The following GRM3 variants were observed in gnomAD, a reference collection of about 807,000 sequenced individuals.
GRM3 encodes the protein glutamate metabotropic receptor 3.
A neutral mutation model predicts 70.5 loss-of-function variants in GRM3; 26 were observed. The observed-to-expected ratio is 0.37, with a 90% CI of 0.27 to 0.51. GRM3 has a LOEUF of 0.51. Ranked by LOEUF, GRM3 falls within the 20% of genes least tolerant of loss-of-function variation. GRM3 has a pLI of 0.93. For missense variants in GRM3, 859 were observed against 1,123.8 expected, an observed-to-expected ratio of 0.76 and a Z score of 3.37; for synonymous variants, 443 against 434.9, an observed-to-expected ratio of 1.02 and a Z score of -0.23.
chr7:86,785,637 T>C (rs775431829), intron 2 of GRM3, among the ~76,000 whole-genome samples: 3 of 149,894 alleles, frequency 2.0e-5, no homozygotes, highest in Admixed American at 6.7e-5. Flanking sequence ...TTCAGGAGTT[T>C]AGAAAAGCGT....
At chr7:86,783,266 C>G (rs981874006) in intron 2 of GRM3, among the ~76,000 whole-genome samples, 1 of 152,128 alleles carries the variant, frequency 6.6e-6, no homozygotes, top group Non-Finnish European at 1.5e-5. Flanking sequence ...TACCTGGATG[C>G]CTTTCTGTGT....
chr7:86,857,307 G>A (rs980061697), intron 5 of GRM3, among the ~76,000 whole-genome samples: 1 of 152,080 alleles, frequency 6.6e-6, no homozygotes, highest in Non-Finnish European at 1.5e-5. Flanking sequence ...GCTAGAGGAA[G>A]ATGAATAAAA....
At chr7:86,807,442 C>T (rs1299330009) in intron 3 of GRM3, among the ~76,000 whole-genome samples, 3 of 149,798 alleles carry the variant, frequency 2.0e-5, no homozygotes, top group African/African-American at 5.0e-5. Context: ...TTGTAGTTCT[C>T]GTTGAAGAGG....
At chr7:86,760,519 G>A (rs1796452792) in intron 1 of GRM3, among the ~76,000 whole-genome samples, 1 of 152,094 alleles carries the variant, frequency 6.6e-6, no homozygotes, top group Non-Finnish European at 1.5e-5. Context: ...TCTGAGGAAT[G>A]TGCTGCTGGC....
intron 1 of GRM3, among the ~76,000 whole-genome samples, chr7:86,740,781 ACTC>A (rs1795970614): frequency 2.8e-5 from 4 of 142,520 alleles, no homozygotes; most frequent in Non-Finnish European, 6.1e-5. Flanking sequence ...AGGACTTCCA[ACTC>A]ACTTCATTTC....
intron 3 of GRM3, among the ~76,000 whole-genome samples, chr7:86,789,820 T>A (rs2116566824): frequency 6.6e-6 from 1 of 152,354 alleles, no homozygotes; most frequent in East Asian, 1.9e-4. Flanking sequence ...TACTCCCTGG[T>A]ACTCAGATGT....
intron 1 of GRM3, among the ~76,000 whole-genome samples, chr7:86,668,187 T>C (rs913926498): frequency 2.0e-5 from 3 of 152,194 alleles, no homozygotes; most frequent in Non-Finnish European, 4.4e-5. Flanking sequence ...CATGTTATAA[T>C]ATACTGTTTC....
chr7:86,686,068 T>C (rs1794559627), intron 1 of GRM3, among the ~76,000 whole-genome samples: 1 of 152,070 alleles, frequency 6.6e-6, no homozygotes. Flanking sequence ...ATGAGCAAGA[T>C]AGATTAGTTA....
intron 3 of GRM3, among the ~76,000 whole-genome samples, chr7:86,796,520 T>A (rs1010310521): frequency 8.5e-5 from 13 of 152,176 alleles, no homozygotes; most frequent in Admixed American, 3.9e-4. Flanking sequence ...TTGTTTTTTT[T>A]GCTTAGGACT....
chr7:86,688,815 G>T (rs1479897455), intron 1 of GRM3, among the ~76,000 whole-genome samples: 1 of 141,642 alleles, frequency 7.1e-6, no homozygotes, highest in Non-Finnish European at 1.5e-5. Context: ...TCACACATAT[G>T]ATATATATAT....
rs1482838630 is a variant in GRM3 at position 86,698,538 on chromosome 7, A to AT, written c.-141+53666_-141+53667insT. Among the ~76,000 whole-genome samples, 180 of 142,114 alleles carry AT rather than the reference A, an allele frequency of 1.3e-3. 1 individual carries two copies. The highest frequency in any genetic ancestry group is 4.8e-3 in the African/African-American group (172 of 35,674). The allele number at this position is 142,114 out of a possible 152,430, so 93.2% of individuals were successfully genotyped here. ...AAAGTATTTATATATATATATATAT[A>AT]AAATACACATTATTATTATATATAT... On this transcript the variant is annotated intron_variant, in intron 1 of 5. Coordinates refer to ENST00000361669, the MANE Select transcript of GRM3 (RefSeq NM_000840.3).
chr7:86,863,245 A>G (rs1218762644), intron 5 of GRM3, among the ~76,000 whole-genome samples: 1 of 152,202 alleles, frequency 6.6e-6, no homozygotes, highest in African/African-American at 2.4e-5. Context: ...CTCATGAAAT[A>G]AAACTTTACC....
rs78255814 is a variant in GRM3 at position 86,729,117 on chromosome 7, C to G, written c.-140-35889C>G. Among the ~76,000 whole-genome samples the G allele has an allele frequency of 4.6e-3, 704 of 152,236 alleles. 4 individuals are homozygous for G. The highest frequency in any genetic ancestry group is 8.5e-3 in the Non-Finnish European group (581 of 68,008). On this transcript the variant is annotated intron_variant, in intron 1 of 5. Transcript: ENST00000361669. ...TTAGCTTCCTTTTGTGAGATAATTT[C>G]AAGCAGATTTTTTTTTTAGTTGAAG... is the stretch of plus-strand genomic sequence containing the variant.
At chr7:86,806,747 T>C (rs964743565) in intron 3 of GRM3, among the ~76,000 whole-genome samples, 2 of 152,222 alleles carry the variant, frequency 1.3e-5, no homozygotes, top group African/African-American at 4.8e-5. Flanking sequence ...CTCTTTAGTT[T>C]AATTAGATCT....
At position 86,644,518 on chromosome 7, in the gene GRM3, A is replaced by C; in HGVS notation, c.-495A>C. ...GAAGAGCTCCCCTCCCCTCCGCGGAAGACCACTGGGTCCCCTCTTTCCCCA... is the reference window on the plus strand; with the variant it reads ...GAAGAGCTCCCCTCCCCTCCGCGGACGACCACTGGGTCCCCTCTTTCCCCA... On this transcript the variant is annotated 5_prime_UTR_variant, in exon 1 of 6. Coordinates refer to ENST00000361669, the MANE Select transcript of GRM3 (RefSeq NM_000840.3). 2 of 359,558 alleles carry C rather than the reference A, an allele frequency of 5.6e-6. No individual in the cohort carries two copies. Among genetic ancestry groups the C allele is most frequent in the African/African-American group, 4.3e-5 (2 of 46,828 alleles). The allele number at this position is 359,558 out of a possible 1,614,324, so 22.3% of individuals were successfully genotyped here. A position where few individuals can be genotyped will look rare whatever the true frequency, so the allele number is the denominator to read the frequency against.
chr7:86,664,339 G>A (rs1321720561), intron 1 of GRM3, among the ~76,000 whole-genome samples: 1 of 151,744 alleles, frequency 6.6e-6, no homozygotes, highest in Non-Finnish European at 1.5e-5. Context: ...CAATGACTTG[G>A]TGGTATATCG....
At chr7:86,800,261 T>C (rs10085604) in intron 3 of GRM3, among the ~76,000 whole-genome samples, 59,376 of 152,000 alleles carry the variant, frequency 0.39, 13,770 homozygotes, top group African/African-American at 0.66. Context: ...AACCCCAAAG[T>C]TATCAGAAGA....
At chr7:86,810,286 A>G (rs547713006) in intron 3 of GRM3, among the ~76,000 whole-genome samples, 3 of 152,142 alleles carry the variant, frequency 2.0e-5, no homozygotes, top group African/African-American at 7.2e-5. Context: ...AATCCATTAT[A>G]CAGTTGTGGT....
chr7:86,691,373 A>C (rs1347873017), intron 1 of GRM3, among the ~76,000 whole-genome samples: 1 of 152,148 alleles, frequency 6.6e-6, no homozygotes, highest in Non-Finnish European at 1.5e-5. Flanking sequence ...ATGTCAAAGC[A>C]TATAATTTCC....
Sources: allele counts gnomAD v4.1 joint callset (sites outside exome capture counted in the v4.1 genomes callset), GRCh38; gene constraint gnomAD v4.1.1; transcripts MANE v1.5; gene names NCBI Gene and HGNC (gene_info 2026-07-23, HGNC 2026-07-21).